TCF4: variants seen among roughly 807,000 people sequenced by gnomAD.
TCF4 encodes the protein SL3-3 enhancer factor 2.
Under a neutral mutation model 82.1 loss-of-function variants are expected in TCF4, and 3 were observed. The ratio of observed to expected loss-of-function variants is 0.04; its 90% CI spans 0.02 to 0.09. The LOEUF (loss-of-function observed/expected upper bound fraction) is 0.09. TCF4 is among the 10% of genes least tolerant of loss of function. The pLI, the probability that TCF4 is intolerant of heterozygous loss-of-function variation, is 1.00. For synonymous variants in TCF4, 276 were observed against 309.6 expected (o/e 0.89, Z 1.14); for missense variants, 518 against 852.7 (o/e 0.61, Z 4.89).
Position 55,223,045 on chromosome 18 carries a change from G to A in TCF4, c.*4990C>T, listed in dbSNP as rs2046077321. 6.6e-6 allele frequency: 1 copy of A among 152,212 alleles called. No individual in the cohort carries two copies. Among genetic ancestry groups the A allele is most frequent in the Non-Finnish European group, 1.5e-5 (1 of 68,036 alleles). 9.4% of individuals were successfully genotyped at this position (152,212 alleles called of 1,614,324 possible). A position where few individuals can be genotyped will look rare whatever the true frequency, so the allele number is the denominator to read the frequency against. ...TAGATTTTTGACTGAAAAGATCTGAGAATGTTCTGCCAAACAGCCGACCAA... is the reference window on the plus strand; with the variant it reads ...TAGATTTTTGACTGAAAAGATCTGAAAATGTTCTGCCAAACAGCCGACCAA... On this transcript the variant is annotated 3_prime_UTR_variant, in exon 20 of 20. Transcript: ENST00000354452.
At position 55,461,068 on chromosome 18, in the gene TCF4, A is replaced by C; in HGVS notation, c.255T>G (p.Leu85=). 6.2e-7 allele frequency: 1 copy of C among 1,613,412 alleles called. No individual in the cohort carries two copies. The highest frequency in any genetic ancestry group is 1.3e-5 in the African/African-American group (1 of 75,030). ...GTGGAGAGAGATTGTCATGTGACCCAAGGTCCCTGCTGGTCATGTGGTCAT... is the reference window on the plus strand; with the variant it reads ...GTGGAGAGAGATTGTCATGTGACCCCAGGTCCCTGCTGGTCATGTGGTCAT... ...TPYDHMTSRD[L]GSHDNLSPPF... The change falls in exon 5 of 20, where the codon CTT becomes CTG. Residue 85 remains leucine (L), a synonymous_variant. Transcript: ENST00000354452.
At chr18:55,480,298 CGGG>C (rs1249984705) in intron 3 of TCF4, among the ~76,000 whole-genome samples, 5 of 27,776 alleles carry the variant, frequency 1.8e-4, no homozygotes, top group African/African-American at 7.2e-4. Flanking sequence ...AAAAAAAAAG[CGGG>C]GGGGCGGGGG....
chr18:55,454,975 T>G (rs764851252), intron 5 of TCF4, among the ~76,000 whole-genome samples: 9 of 151,636 alleles, frequency 5.9e-5, no homozygotes, highest in Non-Finnish European at 1.2e-4. Flanking sequence ...TCACTTCAGG[T>G]CAGGAGTTCA....
At chr18:55,610,414 C>T (rs2097705971) in intron 2 of TCF4, among the ~76,000 whole-genome samples, 1 of 152,196 alleles carries the variant, frequency 6.6e-6, no homozygotes, top group South Asian at 2.1e-4. Flanking sequence ...GAGGATGCCA[C>T]AGGACATGGA....
chr18:55,512,514 G>A (rs929365404), intron 3 of TCF4, among the ~76,000 whole-genome samples: 3 of 152,058 alleles, frequency 2.0e-5, no homozygotes, highest in Admixed American at 6.6e-5. Context: ...TAAAATAAAG[G>A]GGTAGGTGTG....
At chr18:55,582,319 T>C (rs2147796683) in intron 3 of TCF4, among the ~76,000 whole-genome samples, 1 of 152,280 alleles carries the variant, frequency 6.6e-6, no homozygotes, top group South Asian at 2.1e-4. Flanking sequence ...ATCCCTTTGT[T>C]TAAGTTACCA....
At chr18:55,273,286 GT>G (rs1304289120) in intron 10 of TCF4, among the ~76,000 whole-genome samples, 3 of 152,256 alleles carry the variant, frequency 2.0e-5, no homozygotes, top group South Asian at 2.1e-4. Context: ...AGGCAATGAT[GT>G]TTTTAAAATA....
chr18:55,321,541 T>C, intron 8 of TCF4: 1 of 1,354,322 alleles, frequency 7.4e-7, no homozygotes, highest in Non-Finnish European at 1.0e-6. Context: ...AAATGATAAA[T>C]ATTTCATGGC....
At chr18:55,439,167 G>A (rs984897399) in intron 5 of TCF4, among the ~76,000 whole-genome samples, 1 of 152,222 alleles carries the variant, frequency 6.6e-6, no homozygotes, top group Non-Finnish European at 1.5e-5. Context: ...TTCCAAAACA[G>A]TAGGAGGTTG....
At chr18:55,243,166 T>C (rs902015786) in intron 15 of TCF4, among the ~76,000 whole-genome samples, 1 of 152,228 alleles carries the variant, frequency 6.6e-6, no homozygotes, top group Non-Finnish European at 1.5e-5. Context: ...CAAATTTAAG[T>C]GAAAATTTCA....
rs140564167 is a variant in TCF4 at position 55,581,134 on chromosome 18, T to C, written c.145+4146A>G. ...AAAGTTTTCAGAAGGCACATGCATA[T>C]ACAGAAGCATTTACATGCACAAATA... On this transcript the variant is annotated intron_variant, in intron 3 of 19. Transcript: ENST00000354452. Among the ~76,000 whole-genome samples, 153 of 152,040 alleles carry C rather than the reference T, an allele frequency of 1.0e-3. 1 individual carries two copies. The highest frequency in any genetic ancestry group is 2.6e-3 in the Admixed American group (40 of 15,258).
intron 5 of TCF4, among the ~76,000 whole-genome samples, chr18:55,454,251 G>T (rs1412626971): frequency 6.6e-6 from 1 of 152,122 alleles, no homozygotes; most frequent in East Asian, 1.9e-4. Flanking sequence ...CTGTAATATG[G>T]CCCGTTTCCT....
Position 55,227,025 on chromosome 18 carries a change from G to C in TCF4, c.*1010C>G, listed in dbSNP as rs2046685561. On this transcript the variant is annotated 3_prime_UTR_variant, in exon 20 of 20. Coordinates refer to ENST00000354452, the MANE Select transcript of TCF4 (RefSeq NM_001083962.2). ...TTCACAAACGCAACATTACAATTCA[G>C]ACAAACTCTTTTTGCCATGTCTTGG... 6.6e-6 allele frequency: 1 copy of C among 152,536 alleles called. No individual in the cohort carries two copies. The highest frequency in any genetic ancestry group is 1.5e-5 in the Non-Finnish European group (1 of 68,014). The allele number at this position is 152,536 out of a possible 1,614,324, so 9.4% of individuals were successfully genotyped here. A position where few individuals can be genotyped will look rare whatever the true frequency, so the allele number is the denominator to read the frequency against.
chr18:55,330,420 C>T (rs374779209), intron 8 of TCF4, among the ~76,000 whole-genome samples: 4 of 151,912 alleles, frequency 2.6e-5, no homozygotes, highest in African/African-American at 7.3e-5. Context: ...CCTCGTGATC[C>T]GCCTGCCTCG....
At position 55,633,892 on chromosome 18, in the gene TCF4, C is replaced by G. The variant is rs1267736345; in HGVS notation, c.195+1811G>C. Among the ~76,000 whole-genome samples the G allele has an allele frequency of 7.9e-6, 1 of 126,086 alleles. No homozygotes were observed. Among genetic ancestry groups the G allele is most frequent in the East Asian group, 2.4e-4 (1 of 4,242 alleles). 82.7% of individuals were successfully genotyped at this position (126,086 alleles called of 152,430 possible). ...AAACCAAACCAAAACAAAAAAGGCA[C>G]AAAACAACAACAACAACAACAACAA... On this transcript the variant is annotated intron_variant, in intron 1 of 20. Coordinates refer to the TCF4 transcript ENST00000398339. This position sits in a 1 kb window ranked among gnomAD's most constrained non-coding sequence, Gnocchi z 4.0.
intron 5 of TCF4, among the ~76,000 whole-genome samples, chr18:55,423,337 C>A (rs1369429518): frequency 6.6e-6 from 1 of 151,876 alleles, no homozygotes; most frequent in Non-Finnish European, 1.5e-5. Flanking sequence ...ATATTTTGGT[C>A]TTCCGTGGTT....
intron 8 of TCF4, among the ~76,000 whole-genome samples, chr18:55,343,264 A>G (rs560810023): frequency 3.4e-4 from 52 of 152,170 alleles, no homozygotes; most frequent in Non-Finnish European, 6.6e-4. Context: ...ACACACTGAG[A>G]AATTTTCTTT....
At chr18:55,242,101 A>G (rs547964468) in intron 15 of TCF4, among the ~76,000 whole-genome samples, 1 of 152,192 alleles carries the variant, frequency 6.6e-6, no homozygotes, top group South Asian at 2.1e-4. Context: ...TAACTCACCA[A>G]CTGCTTCTCT....
intron 8 of TCF4, among the ~76,000 whole-genome samples, chr18:55,295,503 C>A (rs889172399): frequency 1.3e-5 from 2 of 152,196 alleles, no homozygotes; most frequent in Admixed American, 1.3e-4. Flanking sequence ...ACACTGTTGA[C>A]AATTTCCTCC....
Sources: allele counts gnomAD v4.1 joint callset (sites outside exome capture counted in the v4.1 genomes callset), GRCh38; gene constraint gnomAD v4.1.1; non-coding constraint Gnocchi (gnomAD v3.1); transcripts MANE v1.5; gene names NCBI Gene and HGNC (gene_info 2026-07-23, HGNC 2026-07-21).